The following SPON1 variants were observed in gnomAD, a reference collection of about 807,000 sequenced individuals.
The protein encoded by SPON1 is spondin-1.
SPON1 carries 52 observed loss-of-function variants against 111.7 expected under a neutral mutation model. That is an observed-to-expected ratio of 0.47 (90% CI 0.37 to 0.59). The LOEUF (loss-of-function observed/expected upper bound fraction) is 0.59, where lower values mean the gene tolerates loss of function less well. Among genes scored for constraint, SPON1 ranks in the 20% least tolerant of loss-of-function variants. SPON1 has a pLI of 0.00. For missense variants in SPON1, 957 were observed against 1,068.5 expected (o/e 0.90, Z 1.46); for synonymous variants, 410 against 395.8 (o/e 1.04, Z -0.43).
At chr11:14,222,760 GA>G (rs533549493) in intron 6 of SPON1, among the ~76,000 whole-genome samples, 24 of 151,958 alleles carry the variant, frequency 1.6e-4, no homozygotes, top group Middle Eastern at 3.4e-3. Context: ...CTCTCAGAAA[GA>G]AAAAAAATTA....
chr11:14,029,963 T>G (rs151329946), intron 2 of SPON1, among the ~76,000 whole-genome samples: 1 of 152,286 alleles, frequency 6.6e-6, no homozygotes, highest in Non-Finnish European at 1.5e-5. Context: ...ACACCAGTAA[T>G]AAATAGGCTG....
intron 3 of SPON1, among the ~76,000 whole-genome samples, chr11:14,045,009 CT>C (rs533122766): frequency 5.9e-5 from 9 of 152,118 alleles, no homozygotes; most frequent in Non-Finnish European, 1.2e-4. Context: ...TGAAACTTGC[CT>C]ATTGAGCAAA....
intron 1 of SPON1, among the ~76,000 whole-genome samples, chr11:13,969,323 C>A (rs1341690456): frequency 6.6e-6 from 1 of 151,750 alleles, no homozygotes; most frequent in African/African-American, 2.4e-5. Flanking sequence ...GAAGTTGAGG[C>A]TGCAGTGAGT....
rs184554625 is a variant in SPON1 at position 14,204,050 on chromosome 11, A to G, written c.826-39282A>G. On this transcript the variant is annotated intron_variant, in intron 6 of 15. Coordinates refer to ENST00000576479, the MANE Select transcript of SPON1 (RefSeq NM_006108.4). ...AGGGCCTATCTTCGGTGTAATGGCA[A>G]TCTTCTAAATCTCTGCATAGTTTGA... Among the ~76,000 whole-genome samples the G allele has an allele frequency of 1.0e-3, 154 of 152,326 alleles. 1 individual carries two copies. The highest frequency in any genetic ancestry group is 4.7e-3 in the Admixed American group (72 of 15,302).
chr11:14,223,345 T>C (rs1329464802), intron 6 of SPON1, among the ~76,000 whole-genome samples: 1 of 152,046 alleles, frequency 6.6e-6, no homozygotes, highest in Non-Finnish European at 1.5e-5. Flanking sequence ...GCCTGGGCGA[T>C]AGAGTAAGAC....
intron 7 of SPON1, among the ~76,000 whole-genome samples, chr11:14,245,241 A>C (rs1848975927): frequency 6.6e-6 from 1 of 152,160 alleles, no homozygotes. Flanking sequence ...GCCTGGGAGC[A>C]GGGAAGCTAC....
At chr11:14,265,164 A>G (rs534147724) in intron 15 of SPON1, among the ~76,000 whole-genome samples, 86 of 152,128 alleles carry the variant, frequency 5.7e-4, no homozygotes, top group Non-Finnish European at 8.4e-4. Context: ...TTCTCTGCAC[A>G]TGGTCTCTCC....
intron 6 of SPON1, among the ~76,000 whole-genome samples, chr11:14,193,877 G>T (rs1848373295): frequency 6.6e-6 from 1 of 152,196 alleles, no homozygotes; most frequent in African/African-American, 2.4e-5. Flanking sequence ...AGAGCCTTTT[G>T]ACAGTGGTGG....
Position 13,986,004 on chromosome 11 carries a change from T to G in SPON1, c.345+3051T>G, listed in dbSNP as rs868926634. Among the ~76,000 whole-genome samples the G allele has an allele frequency of 2.6e-5, 4 of 152,322 alleles. No individual in the cohort carries two copies. The Middle Eastern group carries it at 0.014, about 518-fold the overall frequency. On this transcript the variant is annotated intron_variant, in intron 2 of 15. Coordinates refer to ENST00000576479, the MANE Select transcript of SPON1 (RefSeq NM_006108.4). ...GTCCCTTCCAAATCTATCATGAAAG[T>G]ATTTTTTCTCTGTACCAAAGCTGTT...
intron 2 of SPON1, among the ~76,000 whole-genome samples, chr11:14,039,657 G>C (rs562734776): frequency 1.2e-4 from 19 of 152,264 alleles, no homozygotes; most frequent in African/African-American, 4.6e-4. Context: ...AAATATTGGA[G>C]AATATCTATA....
intron 2 of SPON1, among the ~76,000 whole-genome samples, chr11:14,027,906 G>A (rs1173301485): frequency 5.3e-5 from 8 of 152,040 alleles, no homozygotes; most frequent in Admixed American, 3.3e-4. Context: ...TATTTCCTAG[G>A]CATTAGACTA....
At chr11:14,111,648 C>T (rs942329507) in intron 5 of SPON1, among the ~76,000 whole-genome samples, 4 of 152,122 alleles carry the variant, frequency 2.6e-5, no homozygotes, top group African/African-American at 9.7e-5. Flanking sequence ...CCAAATAAGG[C>T]TGACTATTCA....
intron 6 of SPON1, among the ~76,000 whole-genome samples, chr11:14,233,448 T>A (rs1425241364): frequency 1.3e-5 from 2 of 152,180 alleles, no homozygotes; most frequent in African/African-American, 2.4e-5. Context: ...ACCACTCTTC[T>A]GCTCACAAAC....
chr11:14,147,625 C>G (rs368570706), intron 6 of SPON1, among the ~76,000 whole-genome samples: 4 of 151,964 alleles, frequency 2.6e-5, no homozygotes, highest in African/African-American at 9.7e-5. Context: ...CCATGTTGGC[C>G]AGGCTGGTCT....
chr11:14,146,502 A>T (rs782401146), intron 6 of SPON1, among the ~76,000 whole-genome samples: 15 of 152,166 alleles, frequency 9.9e-5, no homozygotes, highest in Admixed American at 5.2e-4. Context: ...AAACTTGGAT[A>T]AGAAACCAAA....
chr11:14,245,384 A>G (rs1848977855), intron 7 of SPON1, among the ~76,000 whole-genome samples: 2 of 152,182 alleles, frequency 1.3e-5, no homozygotes, highest in South Asian at 4.1e-4. Context: ...ACAACAGACC[A>G]AGTTGGGCCA....
chr11:14,159,322 G>T (rs1321312671), intron 6 of SPON1, among the ~76,000 whole-genome samples: 2 of 151,960 alleles, frequency 1.3e-5, no homozygotes, highest in Admixed American at 6.6e-5. Context: ...AATCAAAACT[G>T]CAATGAGCTA....
In SPON1 at chr11:14,113,593, T is replaced by A. The variant is rs1554925671; in HGVS notation, c.677-21827T>A. ...ATTTTTTTTTTTTTTTTTTTTTTTT[T>A]TTTTTTTTTTTTTTTTTTTTTTTTT... On this transcript the variant is annotated intron_variant, in intron 5 of 15. Coordinates refer to ENST00000576479, the MANE Select transcript of SPON1 (RefSeq NM_006108.4). Among the ~76,000 whole-genome samples, 32 of 40,132 alleles carry A rather than the reference T, an allele frequency of 8.0e-4. 5 individuals carry two copies. Among genetic ancestry groups the A allele is most frequent in the Admixed American group, 2.5e-3 (11 of 4,376 alleles). The allele number at this position is 40,132 out of a possible 152,430, so 26.3% of individuals were successfully genotyped here.
At chr11:14,163,760 C>T (rs1847994952) in intron 6 of SPON1, among the ~76,000 whole-genome samples, 1 of 152,128 alleles carries the variant, frequency 6.6e-6, no homozygotes, top group African/African-American at 2.4e-5. Flanking sequence ...TTCTTCATGC[C>T]CGTGCTGTGG....
Sources: gnomAD v4.1 joint callset for allele counts (sites outside exome capture counted in the v4.1 genomes callset) on GRCh38, gnomAD v4.1.1 for gene constraint, MANE v1.5 for transcripts, NCBI Gene and HGNC (gene_info 2026-07-23, HGNC 2026-07-21) for gene names.